The following CR1L variants were observed in gnomAD, a reference collection of about 807,000 sequenced individuals.
The protein encoded by CR1L is complement C3b/C4b receptor 1 like, also known as complement component receptor 1-like protein.
CR1L carries 59 observed loss-of-function variants against 62.3 expected under a neutral mutation model. The observed-to-expected ratio is 0.95, with a 90% CI of 0.77 to 1.18. The LOEUF is 1.18. Ranked by LOEUF, CR1L falls within the 50% of genes most tolerant of loss-of-function variation. The pLI, the probability that CR1L is intolerant of heterozygous loss-of-function variation, is 0.00. For missense variants in CR1L, 700 were observed against 702.8 expected (o/e 1.00, Z 0.04); for synonymous variants, 279 against 248.7 (o/e 1.12, Z -1.15).
rs71154832 is a variant in CR1L at position 207,648,174 on chromosome 1, A to AACACACACAC, written c.97+2866_97+2875dup. Among the ~76,000 whole-genome samples the AACACACACAC allele has an allele frequency of 1.2e-3, 150 of 125,362 alleles. 2 individuals carry two copies. In the South Asian group the frequency reaches 0.028, roughly 24 times the overall value. The allele number at this position is 125,362 out of a possible 152,430, so 82.2% of individuals were successfully genotyped here. ...GGTGACAGAGTGAGACCCGGTCTCAAACACACACACACACACACACACACA... is the reference window on the plus strand; with the variant it reads ...GGTGACAGAGTGAGACCCGGTCTCAAACACACACACACACACACACACACACACACACACA... On this transcript the variant is annotated intron_variant, in intron 1 of 11. Transcript: ENST00000508064.
At chr1:207,688,055 T>C (rs930968098) in intron 4 of CR1L, among the ~76,000 whole-genome samples, 3 of 152,146 alleles carry the variant, frequency 2.0e-5, no homozygotes, top group Non-Finnish European at 4.4e-5. Flanking sequence ...GGAGGATTGC[T>C]TGAAGCCAGG....
intron 1 of CR1L, among the ~76,000 whole-genome samples, chr1:207,662,111 G>A (rs1211641957): frequency 6.6e-6 from 1 of 152,074 alleles, no homozygotes. Context: ...TGGTGAATCT[G>A]ACAATTATGT....
chr1:207,651,084 C>T (rs973139735), intron 1 of CR1L, among the ~76,000 whole-genome samples: 2 of 152,110 alleles, frequency 1.3e-5, no homozygotes, highest in African/African-American at 2.4e-5. Flanking sequence ...TGCACCCGGC[C>T]CAGTGTAGAT....
chr1:207,664,105 A>G (rs1663471570), intron 1 of CR1L, among the ~76,000 whole-genome samples: 2 of 152,232 alleles, frequency 1.3e-5, no homozygotes, highest in African/African-American at 4.8e-5. Flanking sequence ...ACTCCTGATC[A>G]GCAGCTGTGC....
Position 207,699,233 on chromosome 1 carries a change from G to A in CR1L, c.1187G>A (p.Gly396Glu). Residue 396 changes from glycine (G) to glutamate (E), a missense_variant, in exon 8 of 12, where the codon GGA becomes GAA. Transcript: ENST00000508064. ...TCTGCTAGTTACTGTGTTTTGGCTG[G>A]AATGGAAAGCCTTTGGAATAGCAGT... ...GSSASYCVLA[G>E]MESLWNSSVP... The A allele has an allele frequency of 6.2e-7, 1 of 1,613,768 alleles. No individual in the cohort carries two copies. Among genetic ancestry groups the A allele is most frequent in the Non-Finnish European group, 8.5e-7 (1 of 1,179,722 alleles).
At chr1:207,689,830 G>T (rs1366534063) in intron 4 of CR1L, among the ~76,000 whole-genome samples, 2 of 151,878 alleles carry the variant, frequency 1.3e-5, no homozygotes, top group Non-Finnish European at 2.9e-5. Flanking sequence ...TATTGAATTA[G>T]TTTGGGTAAG....
chr1:207,712,015 C>T (rs776346002), intron 10 of CR1L, among the ~76,000 whole-genome samples: 1 of 152,176 alleles, frequency 6.6e-6, no homozygotes, highest in Non-Finnish European at 1.5e-5. Context: ...TGACTCTGGG[C>T]ACATTGCCTG....
chr1:207,680,499 A>G lies in CR1L; in HGVS notation c.377+2202A>G, dbSNP rs1232493537. ...AGTGTACCTGGGATCTTTCTGTGCTATTCCCTACAACTGCATGGGAATCTG... is the reference window on the plus strand; with the variant it reads ...AGTGTACCTGGGATCTTTCTGTGCTGTTCCCTACAACTGCATGGGAATCTG... On this transcript the variant is annotated intron_variant, in intron 3 of 11. Transcript: ENST00000508064. Among the ~76,000 whole-genome samples, 3 of 152,278 alleles carry G rather than the reference A, an allele frequency of 2.0e-5. No individual in the cohort carries two copies. The East Asian group carries it at 5.8e-4, about 29-fold the overall frequency.
chr1:207,669,726 T>A (rs920445344), intron 1 of CR1L, among the ~76,000 whole-genome samples: 1 of 151,292 alleles, frequency 6.6e-6, no homozygotes, highest in African/African-American at 2.5e-5. Flanking sequence ...GCGGCGGGTC[T>A]GGGATCCTTC....
intron 1 of CR1L, among the ~76,000 whole-genome samples, chr1:207,675,115 G>A (rs1663670734): frequency 6.6e-6 from 1 of 151,970 alleles, no homozygotes; most frequent in Non-Finnish European, 1.5e-5. Flanking sequence ...TAATTTAGAA[G>A]TACAAAAAAC....
intron 10 of CR1L, chr1:207,710,581 C>G: frequency 6.2e-7 from 1 of 1,610,154 alleles, no homozygotes; most frequent in Non-Finnish European, 8.5e-7. Flanking sequence ...GCGGCCCAGT[C>G]CCTCAGTGCA....
At chr1:207,654,881 C>T (rs1441027508) in intron 1 of CR1L, among the ~76,000 whole-genome samples, 3 of 152,088 alleles carry the variant, frequency 2.0e-5, no homozygotes, top group Non-Finnish European at 4.4e-5. Context: ...TGAGCAAAGT[C>T]GTGTGAGAAA....
At position 207,670,391 on chromosome 1, in the gene CR1L, A is replaced by C. The variant is rs375807109; in HGVS notation, c.98-6998A>C. On this transcript the variant is annotated intron_variant, in intron 1 of 11. Transcript: ENST00000508064. ...TAGTGATGTGTTTAGTACAAAATAAAGCCTATTATAACTACTATGGAAATT... is the reference window on the plus strand; with the variant it reads ...TAGTGATGTGTTTAGTACAAAATAACGCCTATTATAACTACTATGGAAATT... Among the ~76,000 whole-genome samples, 23 of 151,170 alleles carry C rather than the reference A, an allele frequency of 1.5e-4. 1 individual carries two copies. The highest frequency in any genetic ancestry group is 1.2e-3 in the East Asian group (6 of 5,194).
intron 1 of CR1L, among the ~76,000 whole-genome samples, chr1:207,647,536 T>A (rs1407898590): frequency 6.6e-6 from 1 of 152,196 alleles, no homozygotes; most frequent in African/African-American, 2.4e-5. Context: ...TCTTCCCCCA[T>A]TTGTGGTTCC....
At chr1:207,645,538 A>G (rs1392860736) in intron 1 of CR1L, among the ~76,000 whole-genome samples, 9 of 152,180 alleles carry the variant, frequency 5.9e-5, no homozygotes. Context: ...GTTTGGTGGC[A>G]TCGTGTGCGC....
intron 11 of CR1L, among the ~76,000 whole-genome samples, chr1:207,718,688 T>G (rs2985106): frequency 0.39 from 58,798 of 151,578 alleles, 12,033 homozygotes; most frequent in Admixed American, 0.51. Flanking sequence ...TTTCCAAAGG[T>G]GTGGGATTAC....
intron 1 of CR1L, among the ~76,000 whole-genome samples, chr1:207,672,638 T>G (rs1408809246): frequency 6.6e-6 from 1 of 152,068 alleles, no homozygotes; most frequent in Non-Finnish European, 1.5e-5. Context: ...CTCACATTCA[T>G]GGGGATAGAC....
chr1:207,679,612 A>G (rs1253712291), intron 3 of CR1L, among the ~76,000 whole-genome samples: 1 of 152,188 alleles, frequency 6.6e-6, no homozygotes, highest in Non-Finnish European at 1.5e-5. Flanking sequence ...AAGGAATTGA[A>G]ATCTCAGGTT....
At chr1:207,711,364 G>A (rs762456503) in intron 10 of CR1L, 2 of 162,452 alleles carry the variant, frequency 1.2e-5, no homozygotes, top group Non-Finnish European at 2.7e-5. Context: ...TACCGAGGCA[G>A]GAGATGGGCA....
Sources: allele counts gnomAD v4.1 joint callset (sites outside exome capture counted in the v4.1 genomes callset), GRCh38; gene constraint gnomAD v4.1.1; transcripts MANE v1.5; gene names NCBI Gene and HGNC (gene_info 2026-07-23, HGNC 2026-07-21).